The following JAK2 variants were observed in gnomAD, a reference collection of about 807,000 sequenced individuals.
The protein encoded by JAK2 is tyrosine-protein kinase JAK2.
Under a neutral mutation model 139.3 loss-of-function variants are expected in JAK2, and 86 were observed. The observed-to-expected ratio is 0.62, with a 90% CI of 0.52 to 0.74. JAK2 has a LOEUF of 0.74. Among genes scored for constraint, JAK2 ranks in the 30% least tolerant of loss-of-function variants. JAK2 has a pLI of 0.00. For missense variants in JAK2, 1,421 were observed against 1,360.3 expected (o/e 1.04, Z -0.70); for synonymous variants, 490 against 437.7 (o/e 1.12, Z -1.49).
intron 21 of JAK2, 33 bp from the exon 22 acceptor site, chr9:5,090,706 A>G: frequency 6.4e-7 from 1 of 1,560,664 alleles, no homozygotes; most frequent in Non-Finnish European, 8.6e-7. Flanking sequence ...TATATTTATA[A>G]AACTAGCTGA....
intron 3 of JAK2, among the ~76,000 whole-genome samples, chr9:5,024,952 G>A (rs1384217709): frequency 6.6e-6 from 1 of 152,178 alleles, no homozygotes; most frequent in Non-Finnish European, 1.5e-5. Context: ...TTAACTAGGG[G>A]GAGTGGAGCC....
intron 22 of JAK2, among the ~76,000 whole-genome samples, chr9:5,102,483 G>C (rs1821582439): frequency 6.6e-6 from 1 of 152,136 alleles, no homozygotes; most frequent in South Asian, 2.1e-4. Flanking sequence ...ATATTATCCA[G>C]GAGAACTTCC....
chr9:5,109,121 A>G (rs1822223714), intron 22 of JAK2: 1 of 152,128 alleles, frequency 6.6e-6, no homozygotes, highest in South Asian at 2.1e-4. Flanking sequence ...TTAATATACT[A>G]ATTACAACCC....
At chr9:5,041,187 AC>A in intron 4 of JAK2, 1 of 1,376,688 alleles carries the variant, frequency 7.3e-7, no homozygotes, top group Non-Finnish European at 1.0e-6. Flanking sequence ...AACCTCATTT[AC>A]CAGGACGTGA....
chr9:5,052,355 T>C, intron 6 of JAK2, among the ~76,000 whole-genome samples: 1 of 152,092 alleles, frequency 6.6e-6, no homozygotes, highest in Admixed American at 6.6e-5. Context: ...TCTGATTCTT[T>C]TAACTCATGC....
At chr9:5,014,489 C>G (rs1291395781) in intron 2 of JAK2, among the ~76,000 whole-genome samples, 1 of 152,080 alleles carries the variant, frequency 6.6e-6, no homozygotes, top group Non-Finnish European at 1.5e-5. Context: ...TCTAGTGGTA[C>G]AAGACAATGA....
At chr9:5,053,896 A>G (rs1170468158) in intron 6 of JAK2, among the ~76,000 whole-genome samples, 2 of 152,068 alleles carry the variant, frequency 1.3e-5, no homozygotes, top group Non-Finnish European at 2.9e-5. Context: ...AAAGATTAGC[A>G]TATATTACGG....
rs1818778687 is a variant in JAK2 at position 5,069,176 on chromosome 9, A to C, written c.1481A>C (p.Gln494Pro). 1 of 1,610,122 alleles carries C rather than the reference A, an allele frequency of 6.2e-7. No individual in the cohort carries two copies. Among genetic ancestry groups the C allele is most frequent in the Non-Finnish European group, 8.5e-7 (1 of 1,178,738 alleles). Residue 494 changes from glutamine (Q) to proline (P), a missense_variant, in exon 11 of 25, where the codon CAG becomes CCG. By Grantham distance (76) the Gln-to-Pro change is moderately conservative (BLOSUM62 -1). Transcript: ENST00000381652. ...ETVRSDNIIFQFTKCCPPKPK... is the reference protein window; with the variant it reads ...ETVRSDNIIFPFTKCCPPKPK... ...GTTCGCTCAGACAATATAATTTTCC[A>C]GTTTACTAAATGCTGTCCCCCAAAG...
At chr9:5,037,234 T>C (rs77129756) in intron 4 of JAK2, among the ~76,000 whole-genome samples, 37,856 of 151,420 alleles carry the variant, frequency 0.25, 4,830 homozygotes, top group South Asian at 0.31. Context: ...TGTGGAGAAA[T>C]AGGAACATTT....
intron 8 of JAK2, among the ~76,000 whole-genome samples, chr9:5,063,614 G>C (rs1006276203): frequency 3.9e-5 from 6 of 152,140 alleles, no homozygotes; most frequent in African/African-American, 1.2e-4. Flanking sequence ...TTAATTTAGA[G>C]AGGATTTTTA....
intron 17 of JAK2, 41 bp from the exon 18 acceptor site, chr9:5,080,492 A>C: frequency 6.4e-7 from 1 of 1,555,222 alleles, no homozygotes; most frequent in South Asian, 1.2e-5. Flanking sequence ...TTGGTGTGGC[A>C]TTACACAATT....
rs539308682 is a variant in JAK2, at chr9:5,087,856, A to G, written c.2572-1818A>G. On this transcript the variant is annotated intron_variant, in intron 19 of 24. Coordinates refer to ENST00000381652, the MANE Select transcript of JAK2 (RefSeq NM_004972.4). ...TATTTATAAGAATATTATTGCAATG[A>G]CATGACTGTATTTAAAAATTTTTCT... Among the ~76,000 whole-genome samples the G allele has an allele frequency of 1.2e-4, 19 of 152,356 alleles. 1 individual carries two copies. Among genetic ancestry groups the G allele is most frequent in the African/African-American group, 4.3e-4 (18 of 41,584 alleles).
intron 17 of JAK2, 28 bp from the exon 18 acceptor site, chr9:5,080,505 T>TTCTC (rs1379386754): frequency 6.4e-7 from 1 of 1,564,596 alleles, no homozygotes. Flanking sequence ...ACACAATTTA[T>TTCTC]TCTCAGTTTG....
chr9:5,019,177 GA>G (rs1173026187), intron 2 of JAK2, among the ~76,000 whole-genome samples: 1 of 152,006 alleles, frequency 6.6e-6, no homozygotes, highest in Admixed American at 6.5e-5. Context: ...TTGTCTTCTA[GA>G]ATACTGAAAA....
intron 2 of JAK2, among the ~76,000 whole-genome samples, chr9:5,015,388 G>A (rs1454771233): frequency 6.6e-6 from 1 of 152,200 alleles, no homozygotes; most frequent in African/African-American, 2.4e-5. Flanking sequence ...TCATAATAAT[G>A]CCAAGATGTT....
At chr9:5,059,696 C>T (rs1818023674) in intron 8 of JAK2, among the ~76,000 whole-genome samples, 1 of 152,142 alleles carries the variant, frequency 6.6e-6, no homozygotes, top group Non-Finnish European at 1.5e-5. Context: ...TGTCTCATAT[C>T]CCCATCAACT....
intron 18 of JAK2, 74 bp from the exon 19 acceptor site, chr9:5,081,651 C>G (rs746496645): frequency 9.4e-7 from 1 of 1,066,490 alleles, no homozygotes; most frequent in African/African-American, 1.6e-5. Context: ...TTTTGGTCAA[C>G]TTGAATGTAT....
At chr9:5,118,911 ATC>A (rs1249710809) in intron 22 of JAK2, among the ~76,000 whole-genome samples, 3 of 152,200 alleles carry the variant, frequency 2.0e-5, no homozygotes, top group Non-Finnish European at 4.4e-5. Context: ...CATCAGGTTC[ATC>A]TGTTTTCTCA....
At chr9:5,027,624 T>G (rs1822863349) in intron 3 of JAK2, among the ~76,000 whole-genome samples, 1 of 152,190 alleles carries the variant, frequency 6.6e-6, no homozygotes, top group African/African-American at 2.4e-5. Context: ...TTGATAGCAT[T>G]TTACCCGCAG....
Sources: allele counts gnomAD v4.1 joint callset (sites outside exome capture counted in the v4.1 genomes callset), GRCh38; gene constraint gnomAD v4.1.1; transcripts MANE v1.5; gene names NCBI Gene and HGNC (gene_info 2026-07-23, HGNC 2026-07-21).